The following PARN variants were observed in gnomAD, a reference collection of about 807,000 sequenced individuals.
The protein encoded by PARN is poly(A)-specific ribonuclease PARN.
A neutral mutation model predicts 102.8 loss-of-function variants in PARN; 71 were observed. The ratio of observed to expected loss-of-function variants is 0.69; its 90% CI spans 0.57 to 0.84. PARN has a LOEUF of 0.84. PARN is among the 40% of genes least tolerant of loss of function. The probability of loss-of-function intolerance (pLI) is 0.00; values close to 1 mark genes in which losing one functional copy is unlikely to be tolerated. For synonymous variants in PARN, 261 were observed against 252.9 expected (o/e 1.03, Z -0.30); for missense variants, 782 against 760.9 (o/e 1.03, Z -0.33).
At chr16:14,437,379 T>C (rs1008126925) in intron 23 of PARN, among the ~76,000 whole-genome samples, 5 of 152,116 alleles carry the variant, frequency 3.3e-5, no homozygotes, top group African/African-American at 4.8e-5. Flanking sequence ...AGCCAACCAG[T>C]GGGGGTTCCA....
At chr16:14,447,105 C>A (rs373688212) in intron 22 of PARN, 24 bp from the exon 23 acceptor site, 110 of 1,564,346 alleles carry the variant, frequency 7.0e-5, no homozygotes, top group Admixed American at 1.4e-4. Context: ...AGTGGAACAA[C>A]ATAAAAGGTG....
At chr16:14,551,320 G>A (rs1967289071) in intron 21 of PARN, among the ~76,000 whole-genome samples, 1 of 151,872 alleles carries the variant, frequency 6.6e-6, no homozygotes, top group Non-Finnish European at 1.5e-5. Context: ...TGTAATCCCA[G>A]CACTCTGAAA....
chr16:14,462,123 A>G (rs1309633441), intron 22 of PARN, among the ~76,000 whole-genome samples: 1 of 152,268 alleles, frequency 6.6e-6, no homozygotes, highest in Non-Finnish European at 1.5e-5. Context: ...TATCAGAACC[A>G]TGCACAGAGA....
chr16:14,542,219 T>G (rs1002825002), intron 21 of PARN, among the ~76,000 whole-genome samples: 2 of 152,106 alleles, frequency 1.3e-5, no homozygotes, highest in African/African-American at 4.8e-5. Context: ...TTGCCCAGGC[T>G]GGTCTCAAAC....
At chr16:14,626,400 T>G (rs986651160) in intron 5 of PARN, among the ~76,000 whole-genome samples, 1 of 152,174 alleles carries the variant, frequency 6.6e-6, no homozygotes, top group Non-Finnish European at 1.5e-5. Flanking sequence ...TCTCCCGTCT[T>G]GGCCTCCAAA....
At chr16:14,586,225 C>T in intron 14 of PARN, 93 bp downstream of exon 14, 2 of 738,522 alleles carry the variant, frequency 2.7e-6, no homozygotes, top group Non-Finnish European at 4.9e-6. Flanking sequence ...GATCCTCCCA[C>T]CTCAGTCTCC....
intron 20 of PARN, among the ~76,000 whole-genome samples, chr16:14,552,904 C>G (rs945026963): frequency 6.6e-6 from 1 of 151,838 alleles, no homozygotes; most frequent in Non-Finnish European, 1.5e-5. Flanking sequence ...GCCGAGATCG[C>G]GCCATTGCAC....
intron 7 of PARN, among the ~76,000 whole-genome samples, chr16:14,609,964 C>T (rs12924032): frequency 1.3e-5 from 2 of 152,160 alleles, no homozygotes; most frequent in Non-Finnish European, 2.9e-5. Flanking sequence ...GTAATCCCAG[C>T]GCTCTGGGAG....
intron 23 of PARN, among the ~76,000 whole-genome samples, chr16:14,444,082 A>G (rs1462777087): frequency 6.6e-6 from 1 of 152,214 alleles, no homozygotes; most frequent in Non-Finnish European, 1.5e-5. Flanking sequence ...AAAGTAAATG[A>G]GCAAGCCAAA....
rs530851719 is a variant in PARN at position 14,436,584 on chromosome 16, C to G, written c.*133G>C. On this transcript the variant is annotated 3_prime_UTR_variant, in exon 24 of 24. Coordinates refer to ENST00000437198, the MANE Select transcript of PARN (RefSeq NM_002582.4). ...AAAAATAAAACCTGTTTTCTCCCCC[C>G]CAGGAGACAACTTGGTTTCCAACCC... 186 of 652,282 alleles carry G rather than the reference C, an allele frequency of 2.9e-4. 3 individuals are homozygous for G. Among genetic ancestry groups the G allele is most frequent in the South Asian group, 2.7e-3 (146 of 53,120 alleles). 40.4% of individuals were successfully genotyped at this position (652,282 alleles called of 1,614,324 possible).
chr16:14,522,607 G>T (rs143894154), intron 21 of PARN, among the ~76,000 whole-genome samples: 6 of 152,226 alleles, frequency 3.9e-5, no homozygotes, highest in African/African-American at 1.2e-4. Flanking sequence ...GAAAAAAGGG[G>T]AAAACAAGAC....
chr16:14,606,433 G>T, intron 10 of PARN, 51 bp downstream of exon 10: 5 of 993,956 alleles, frequency 5.0e-6, no homozygotes, highest in Non-Finnish European at 6.1e-6. Flanking sequence ...ACCCCTAACA[G>T]TGTAACAATG....
At chr16:14,607,231 T>C (rs1431790665) in intron 9 of PARN, among the ~76,000 whole-genome samples, 1 of 152,106 alleles carries the variant, frequency 6.6e-6, no homozygotes, top group Non-Finnish European at 1.5e-5. Context: ...TTTTTTGAGA[T>C]GGAGTCTCAC....
intron 18 of PARN, chr16:14,576,193 G>C (rs1596720844): frequency 6.6e-6 from 1 of 152,210 alleles, no homozygotes; most frequent in African/African-American, 2.4e-5. Flanking sequence ...TTGTCCAAGA[G>C]CATATCATTC....
chr16:14,610,867 G>A (rs974792242), intron 6 of PARN, 58 bp from the exon 7 acceptor site: 1 of 1,218,908 alleles, frequency 8.2e-7, no homozygotes, highest in Non-Finnish European at 1.2e-6. Context: ...CATAAAATTT[G>A]TTTAACAAAC....
rs907959709 is a variant in PARN, at chr16:14,530,557, C to A, written c.1480+21464G>T. 1.7e-3 allele frequency among the ~76,000 whole-genome samples: 244 copies of A among 146,630 alleles called. 2 individuals are homozygous for A. Among genetic ancestry groups the A allele is most frequent in the African/African-American group, 6.0e-3 (234 of 39,146 alleles). On this transcript the variant is annotated intron_variant, in intron 21 of 23. Transcript: ENST00000437198. ...AAAAGGTTACATTAAAAAAAAAAAA[C>A]TATATTATATAAGACACACTGACAT... is the stretch of plus-strand genomic sequence containing the variant.
At chr16:14,454,898 A>T (rs1415533033) in intron 22 of PARN, among the ~76,000 whole-genome samples, 1 of 152,230 alleles carries the variant, frequency 6.6e-6, no homozygotes, top group Non-Finnish European at 1.5e-5. Context: ...CAGTTCTATA[A>T]AGTAAGATAT....
intron 21 of PARN, among the ~76,000 whole-genome samples, chr16:14,533,182 T>C (rs1228458986): frequency 6.6e-6 from 1 of 151,986 alleles, no homozygotes; most frequent in Admixed American, 6.5e-5. Context: ...GGCTGGCGGA[T>C]CACTCGCGGT....
intron 6 of PARN, among the ~76,000 whole-genome samples, chr16:14,614,934 C>A (rs1294941887): frequency 6.8e-6 from 1 of 147,540 alleles, no homozygotes; most frequent in Non-Finnish European, 1.5e-5. Flanking sequence ...AAGGAGGACA[C>A]CTAGCACAGC....
Sources: gnomAD v4.1 joint callset for allele counts (sites outside exome capture counted in the v4.1 genomes callset) on GRCh38, gnomAD v4.1.1 for gene constraint, MANE v1.5 for transcripts, NCBI Gene and HGNC (gene_info 2026-07-23, HGNC 2026-07-21) for gene names.